CPA6: variants seen among roughly 807,000 people sequenced by gnomAD.
The protein encoded by CPA6 is carboxypeptidase B.
In CPA6, 58 loss-of-function variants were observed where a neutral mutation model predicts 63.3. The ratio of observed to expected loss-of-function variants is 0.92; its 90% confidence interval spans 0.74 to 1.14. CPA6 has a LOEUF of 1.14. CPA6 is among the 50% of genes most tolerant of loss of function. The pLI is 0.00. For missense variants in CPA6, 565 were observed against 526.6 expected (o/e 1.07, Z -0.71); for synonymous variants, 185 against 179.0 (o/e 1.03, Z -0.27).
intron 2 of CPA6, among the ~76,000 whole-genome samples, chr8:67,591,714 T>G (rs554861361): frequency 1.4e-4 from 22 of 152,300 alleles, no homozygotes; most frequent in African/African-American, 5.1e-4. Flanking sequence ...TAAGAAGGCT[T>G]GTGATTTTTG....
chr8:67,681,505 G>A (rs1410642427), intron 1 of CPA6, among the ~76,000 whole-genome samples: 5 of 152,138 alleles, frequency 3.3e-5, no homozygotes, highest in African/African-American at 7.2e-5. Context: ...CACCGCGCCC[G>A]GCCAAAGATT....
intron 8 of CPA6, among the ~76,000 whole-genome samples, chr8:67,436,769 T>C (rs959535916): frequency 1.3e-5 from 2 of 152,222 alleles, no homozygotes; most frequent in African/African-American, 4.8e-5. Flanking sequence ...ATTATGGTTC[T>C]AAGAAAATGT....
chr8:67,692,262 G>A (rs1219090202), intron 1 of CPA6, among the ~76,000 whole-genome samples: 1 of 150,268 alleles, frequency 6.7e-6, no homozygotes, highest in Non-Finnish European at 1.5e-5. Flanking sequence ...CTTGAATCCA[G>A]GAAGCAGAGG....
At chr8:67,447,031 TACACAC>T (rs202014181) in intron 8 of CPA6, among the ~76,000 whole-genome samples, 2 of 129,606 alleles carry the variant, frequency 1.5e-5, no homozygotes, top group Admixed American at 7.3e-5. Context: ...CACATATATA[TACACAC>T]ATATATATAT....
chr8:67,487,884 T>C (rs1811517876), intron 6 of CPA6, among the ~76,000 whole-genome samples: 1 of 152,214 alleles, frequency 6.6e-6, no homozygotes, highest in African/African-American at 2.4e-5. Context: ...TCATATCCTT[T>C]GCCCACTTTT....
At position 67,422,499 on chromosome 8, in the gene CPA6, C is replaced by T; in HGVS notation, c.*5G>A. The T allele has an allele frequency of 6.2e-7, 1 of 1,611,618 alleles. No homozygotes were observed. On this transcript the variant is annotated 3_prime_UTR_variant, in exon 11 of 11. Transcript: ENST00000297770. Reference sequence around the variant, plus strand: ...TATGGCAGTTGACCTGAGCCTTGGGCTGTCTCAGGGACATTTCTTTAGCAG... The same window carrying T: ...TATGGCAGTTGACCTGAGCCTTGGGTTGTCTCAGGGACATTTCTTTAGCAG...
chr8:67,661,078 A>C (rs2128992898), intron 1 of CPA6, among the ~76,000 whole-genome samples: 2 of 152,358 alleles, frequency 1.3e-5, no homozygotes, highest in East Asian at 3.9e-4. Context: ...ATGCTCACAC[A>C]CAATAAGTAA....
intron 6 of CPA6, among the ~76,000 whole-genome samples, chr8:67,497,079 G>A (rs544745716): frequency 2.0e-5 from 3 of 152,270 alleles, no homozygotes; most frequent in Admixed American, 2.0e-4. Context: ...GTTGTAGCAT[G>A]TATCAGCACT....
At chr8:67,600,362 G>T (rs1814462757) in intron 2 of CPA6, among the ~76,000 whole-genome samples, 1 of 150,692 alleles carries the variant, frequency 6.6e-6, no homozygotes, top group African/African-American at 2.4e-5. Flanking sequence ...GCTGGGGGTG[G>T]GTTGGGGTGG....
intron 1 of CPA6, among the ~76,000 whole-genome samples, chr8:67,716,497 T>C (rs2129001052): frequency 6.6e-6 from 1 of 152,284 alleles, no homozygotes; most frequent in African/African-American, 2.4e-5. Context: ...ACAATTTACA[T>C]GCGAGAGGAA....
At chr8:67,542,000 T>A (rs1377665154) in intron 2 of CPA6, among the ~76,000 whole-genome samples, 1 of 152,254 alleles carries the variant, frequency 6.6e-6, no homozygotes, top group South Asian at 2.1e-4. Flanking sequence ...TTATCCACTA[T>A]GTCCATTTGT....
intron 8 of CPA6, among the ~76,000 whole-genome samples, chr8:67,476,097 C>T (rs1350826768): frequency 6.6e-6 from 1 of 151,078 alleles, no homozygotes; most frequent in African/African-American, 2.4e-5. Context: ...TCACGGCAAC[C>T]GTTCAAGCCA....
At chr8:67,708,523 A>G (rs1222946468) in intron 1 of CPA6, among the ~76,000 whole-genome samples, 1 of 152,198 alleles carries the variant, frequency 6.6e-6, no homozygotes, top group African/African-American at 2.4e-5. Context: ...ATCAAACTCC[A>G]GATGATCCCC....
At chr8:67,656,827 C>A (rs1282755485) in intron 1 of CPA6, among the ~76,000 whole-genome samples, 5 of 152,048 alleles carry the variant, frequency 3.3e-5, no homozygotes, top group African/African-American at 1.2e-4. Flanking sequence ...TCTTAATGGT[C>A]CAGAAGAACA....
At chr8:67,682,466 G>C (rs1587698177) in intron 1 of CPA6, among the ~76,000 whole-genome samples, 1 of 152,096 alleles carries the variant, frequency 6.6e-6, no homozygotes, top group Admixed American at 6.5e-5. Context: ...TAATGACTGG[G>C]TTAATGTTCT....
chr8:67,641,002 C>A lies in CPA6; in HGVS notation c.117-16751G>T, dbSNP rs577606250. On this transcript the variant is annotated intron_variant, in intron 1 of 10. Coordinates refer to ENST00000297770, the MANE Select transcript of CPA6 (RefSeq NM_020361.5). ...CGTCCTGCCCAGCCATGCAAGGGTG[C>A]GGGTCATGCAGTTGGCTGCCTCAGG... 7.2e-5 allele frequency among the ~76,000 whole-genome samples: 11 copies of A among 151,826 alleles called. No homozygotes were observed. The East Asian group carries it at 2.1e-3, about 29-fold the overall frequency.
At chr8:67,535,103 G>C (rs1812557840) in intron 2 of CPA6, among the ~76,000 whole-genome samples, 1 of 152,098 alleles carries the variant, frequency 6.6e-6, no homozygotes, top group African/African-American at 2.4e-5. Flanking sequence ...TCTTTATCCA[G>C]TCTATCACTG....
At chr8:67,674,310 G>A (rs1331618228) in intron 1 of CPA6, among the ~76,000 whole-genome samples, 1 of 152,214 alleles carries the variant, frequency 6.6e-6, no homozygotes, top group Non-Finnish European at 1.5e-5. Flanking sequence ...GCAAAGTTAT[G>A]TTACGACTCC....
chr8:67,710,420 C>T (rs924903240), intron 1 of CPA6, among the ~76,000 whole-genome samples: 5 of 150,126 alleles, frequency 3.3e-5, no homozygotes, highest in African/African-American at 1.2e-4. Flanking sequence ...CCCAACCCCC[C>T]ACCCCGAAAG....
Sources: allele counts gnomAD v4.1 joint callset (sites outside exome capture counted in the v4.1 genomes callset), GRCh38; gene constraint gnomAD v4.1.1; transcripts MANE v1.5; gene names NCBI Gene and HGNC (gene_info 2026-07-23, HGNC 2026-07-21).